TMIGD3: variants seen among roughly 807,000 people sequenced by gnomAD.
The protein encoded by TMIGD3 is transmembrane and immunoglobulin domain containing 3, also known as AD026 protein (AD026).
Under a neutral mutation model 28.1 loss-of-function variants are expected in TMIGD3, and 21 were observed. The observed-to-expected ratio is 0.75, with a 90% CI of 0.53 to 1.08. The LOEUF (loss-of-function observed/expected upper bound fraction) is 1.08, where lower values mean the gene tolerates loss of function less well. TMIGD3 is among the 50% of genes least tolerant of loss of function. The pLI is 0.00. For missense variants in TMIGD3, 416 were observed against 435.6 expected (o/e 0.96, Z 0.40); for synonymous variants, 151 against 162.1 (o/e 0.93, Z 0.52).
In TMIGD3 at chr1:111,486,655, G is replaced by T. The variant is rs1369890481; in HGVS notation, c.806-3C>A. On this transcript the variant is annotated splice_polypyrimidine_tract_variant and splice_region_variant and intron_variant, in intron 3 of 5. Coordinates refer to ENST00000369716, the MANE Select transcript of TMIGD3 (RefSeq NM_020683.7). ...TCTGGTTTTGTTGCCTGATAGGTCT[G>T]AATCAGAAAGGATTTGTTAAGTCAG... 6.2e-7 allele frequency: 1 copy of T among 1,613,680 alleles called. No homozygotes were observed. Among genetic ancestry groups the T allele is most frequent in the Non-Finnish European group, 8.5e-7 (1 of 1,179,760 alleles).
intron 1 of TMIGD3, chr1:111,500,424 G>A: frequency 6.2e-7 from 1 of 1,614,210 alleles, no homozygotes; most frequent in East Asian, 2.2e-5. Context: ...AAAGGAAGGT[G>A]ACATTTCTGT....
intron 1 of TMIGD3, among the ~76,000 whole-genome samples, chr1:111,495,999 T>G (rs1023085313): frequency 1.8e-4 from 28 of 152,136 alleles, no homozygotes; most frequent in Admixed American, 9.2e-4. Context: ...CACAGGGGCT[T>G]ACTTGAGGAT....
chr1:111,493,922 G>C (rs1654773274), intron 1 of TMIGD3, among the ~76,000 whole-genome samples: 1 of 152,334 alleles, frequency 6.6e-6, no homozygotes, highest in Non-Finnish European at 1.5e-5. Flanking sequence ...TGCAGCCCAA[G>C]TGTTCTTATT....
chr1:111,500,567 G>T, intron 1 of TMIGD3: 1 of 1,612,474 alleles, frequency 6.2e-7, no homozygotes, highest in South Asian at 1.1e-5. Flanking sequence ...CTGTGTGAAT[G>T]AAGAGAGTCA....
intron 1 of TMIGD3, among the ~76,000 whole-genome samples, chr1:111,526,706 T>G (rs757829109): frequency 1.3e-5 from 2 of 152,198 alleles, no homozygotes; most frequent in Non-Finnish European, 2.9e-5. Flanking sequence ...ACACTTTATA[T>G]TAGGGTTCAC....
chr1:111,512,738 G>T (rs1655731867), intron 1 of TMIGD3, among the ~76,000 whole-genome samples: 1 of 152,190 alleles, frequency 6.6e-6, no homozygotes, highest in Non-Finnish European at 1.5e-5. Flanking sequence ...TTAAAGGAAA[G>T]TCATTCCACA....
At chr1:111,542,912 G>C (rs947075221) in intron 1 of TMIGD3, among the ~76,000 whole-genome samples, 2 of 152,072 alleles carry the variant, frequency 1.3e-5, no homozygotes, top group African/African-American at 4.8e-5. Flanking sequence ...GGGCAGGCTG[G>C]TCTCCAACTC....
chr1:111,506,829 T>G (rs190476096), upstream of TMIGD3, among the ~76,000 whole-genome samples: 566 of 151,190 alleles, frequency 3.7e-3, 11 homozygotes, highest in East Asian at 2.3e-3. Context: ...GGCCCCAAGG[T>G]GAGCTCTGGG....
chr1:111,532,240 T>C (rs751241682), intron 1 of TMIGD3, among the ~76,000 whole-genome samples: 27 of 150,978 alleles, frequency 1.8e-4, no homozygotes, highest in South Asian at 1.0e-3. Context: ...TCTCTCCTGT[T>C]CGGTACTCTG....
intron 1 of TMIGD3, among the ~76,000 whole-genome samples, chr1:111,555,580 A>G (rs965967775): frequency 1.3e-5 from 2 of 152,072 alleles, no homozygotes; most frequent in African/African-American, 4.8e-5. Context: ...ACTACAAAAT[A>G]TTAAGAAACA....
Position 111,488,789 on chromosome 1 carries a change from G to C in TMIGD3, c.693C>G (p.Gly231=), listed in dbSNP as rs1209310756. The C allele has an allele frequency of 6.2e-7, 1 of 1,614,188 alleles. No individual in the cohort carries two copies. Among genetic ancestry groups the C allele is most frequent in the Non-Finnish European group, 8.5e-7 (1 of 1,180,044 alleles). ...CCCGCTGGATGCCACACCAGTACCA[G>C]CCCGTGTCCTCTTTGGTCAGGCAGG... ...TMSCLTKEDT[G]WYWCGIQRDF... is the part of the protein sequence containing the mutation. The change falls in exon 3 of 6, where the codon GGC becomes GGG. Residue 231 remains glycine (G), a synonymous_variant. Coordinates refer to ENST00000369716, the MANE Select transcript of TMIGD3 (RefSeq NM_020683.7).
chr1:111,548,331 T>C (rs1657115876), intron 1 of TMIGD3, among the ~76,000 whole-genome samples: 1 of 152,252 alleles, frequency 6.6e-6, no homozygotes, highest in African/African-American at 2.4e-5. Flanking sequence ...TGGACCACTT[T>C]TTACCTCTTG....
chr1:111,549,668 A>G (rs1039797217), intron 1 of TMIGD3, among the ~76,000 whole-genome samples: 9 of 149,152 alleles, frequency 6.0e-5, no homozygotes, highest in Non-Finnish European at 1.2e-4. Context: ...AAAAAAAAAG[A>G]CAAGATCTCT....
At chr1:111,548,663 C>G (rs1388587763) in intron 1 of TMIGD3, among the ~76,000 whole-genome samples, 3 of 152,158 alleles carry the variant, frequency 2.0e-5, no homozygotes, top group African/African-American at 7.2e-5. Flanking sequence ...TTAATTTTTT[C>G]CTCATAAATG....
chr1:111,509,870 T>C (rs1655632801), intron 1 of TMIGD3, among the ~76,000 whole-genome samples: 1 of 152,364 alleles, frequency 6.6e-6, no homozygotes, highest in South Asian at 2.1e-4. Context: ...ATTTCACAGA[T>C]AGAAAACTAA....
chr1:111,537,882 T>TG (rs1557840672), intron 1 of TMIGD3, among the ~76,000 whole-genome samples: 2 of 144,616 alleles, frequency 1.4e-5, no homozygotes, highest in Non-Finnish European at 3.0e-5. Context: ...ACAGATGTGA[T>TG]CTTTTTTGTT....
In TMIGD3 at chr1:111,503,554, C is replaced by T; in HGVS notation, c.-200G>A. 1 of 1,402,788 alleles carries T rather than the reference C, an allele frequency of 7.1e-7. No homozygotes were observed. The highest frequency in any genetic ancestry group is 9.3e-7 in the Non-Finnish European group (1 of 1,079,712). 86.9% of individuals were successfully genotyped at this position (1,402,788 alleles called of 1,614,324 possible). ...CCTTCTCCTTAGAAAGGGCTCATCA[C>T]AGGTGGGTCACTTCCAGCCCCTTTA... On this transcript the variant is annotated 5_prime_UTR_variant, in exon 1 of 6. The change creates a new upstream start codon in the 5' untranslated region. Transcript: ENST00000369716.
chr1:111,563,355 G>A (rs1030332565), intron 1 of TMIGD3, among the ~76,000 whole-genome samples: 8 of 152,170 alleles, frequency 5.3e-5, no homozygotes, highest in African/African-American at 1.9e-4. Context: ...CTGTCTATCT[G>A]GGGAGATAAG....
At chr1:111,529,141 T>C (rs538556326) in intron 1 of TMIGD3, among the ~76,000 whole-genome samples, 4 of 151,758 alleles carry the variant, frequency 2.6e-5, no homozygotes, top group Admixed American at 6.5e-5. Flanking sequence ...AACCATAAAG[T>C]TTTTATTATT....
Sources: gnomAD v4.1 joint callset for allele counts (sites outside exome capture counted in the v4.1 genomes callset) on GRCh38, gnomAD v4.1.1 for gene constraint, MANE v1.5 for transcripts, NCBI Gene and HGNC (gene_info 2026-07-23, HGNC 2026-07-21) for gene names.